Variants in PDE1C observed in about 807,000 individuals in gnomAD.
PDE1C encodes dual specificity calcium/calmodulin-dependent 3',5'-cyclic nucleotide phosphodiesterase 1C.
In PDE1C, 62 loss-of-function variants were observed where a neutral mutation model predicts 93.1. That is an observed-to-expected ratio of 0.67 (90% CI 0.54 to 0.82). The LOEUF (loss-of-function observed/expected upper bound fraction) is 0.82, where lower values mean the gene tolerates loss of function less well. Among genes scored for constraint, PDE1C ranks in the 40% least tolerant of loss-of-function variants. The pLI is 0.00. For missense variants in PDE1C, 742 were observed against 884.6 expected (o/e 0.84, Z 2.04); for synonymous variants, 325 against 310.1 (o/e 1.05, Z -0.50).
upstream of PDE1C, among the ~76,000 whole-genome samples, chr7:32,303,573 A>T (rs1436289706): frequency 6.6e-6 from 1 of 152,180 alleles, no homozygotes; most frequent in Non-Finnish European, 1.5e-5. Flanking sequence ...GCTTCCCTAT[A>T]GTCCATTTTT....
intron 3 of PDE1C, among the ~76,000 whole-genome samples, chr7:32,128,904 CAAATATATATATATATATATAT>C (rs1207676322): frequency 4.9e-5 from 2 of 40,814 alleles, no homozygotes; most frequent in African/African-American, 1.8e-4. Flanking sequence ...TAAAGTATAA[CAAATATATATATATATATATAT>C]ATATATATAT....
At chr7:32,100,619 A>C (rs941108843) in intron 3 of PDE1C, among the ~76,000 whole-genome samples, 1 of 152,158 alleles carries the variant, frequency 6.6e-6, no homozygotes, top group Non-Finnish European at 1.5e-5. Context: ...TTCATAACCC[A>C]CCTACTTACC....
At chr7:31,812,093 T>A (rs11984055) in intron 15 of PDE1C, among the ~76,000 whole-genome samples, 2 of 152,244 alleles carry the variant, frequency 1.3e-5, no homozygotes, top group Middle Eastern at 3.4e-3. Context: ...CAGTTATAAA[T>A]CATTTTAATT....
chr7:31,717,717 C>T, the PDE1C span, among the ~76,000 whole-genome samples: 2 of 152,128 alleles, frequency 1.3e-5, no homozygotes, highest in Admixed American at 6.6e-5. Context: ...GCTAGATATG[C>T]CTAAGGCTTT....
chr7:32,118,369 T>C (rs1156392284), intron 3 of PDE1C, among the ~76,000 whole-genome samples: 2 of 152,144 alleles, frequency 1.3e-5, no homozygotes, highest in Admixed American at 1.3e-4. Context: ...CATGATTCAG[T>C]AGAGAGGAAA....
At chr7:31,618,507 A>G in the PDE1C span, among the ~76,000 whole-genome samples, 1 of 152,152 alleles carries the variant, frequency 6.6e-6, no homozygotes, top group East Asian at 1.9e-4. Context: ...GCCTAATCCC[A>G]AGAAAAAATG....
intron 2 of PDE1C, among the ~76,000 whole-genome samples, chr7:31,888,913 G>A (rs1016022682): frequency 6.6e-6 from 1 of 152,128 alleles, no homozygotes; most frequent in Non-Finnish European, 1.5e-5. Flanking sequence ...ACCATTCACA[G>A]AAACATCAAA....
At chr7:32,181,475 A>G (rs1803417116) in intron 2 of PDE1C, among the ~76,000 whole-genome samples, 1 of 152,248 alleles carries the variant, frequency 6.6e-6, no homozygotes. Context: ...CAATCAAACT[A>G]GAACTCAGAA....
chr7:32,147,668 C>A (rs540326175), intron 3 of PDE1C, among the ~76,000 whole-genome samples: 29 of 152,230 alleles, frequency 1.9e-4, no homozygotes, highest in Admixed American at 7.8e-4. Flanking sequence ...GCTGGACTCT[C>A]CTTCCATTTT....
intron 1 of PDE1C, among the ~76,000 whole-genome samples, chr7:32,311,649 A>T (rs1456048126): frequency 6.6e-6 from 1 of 152,170 alleles, no homozygotes; most frequent in East Asian, 1.9e-4. Context: ...ACCAAAGATA[A>T]AAACCACATG....
intron 3 of PDE1C, among the ~76,000 whole-genome samples, chr7:32,117,915 G>C (rs1006860073): frequency 2.0e-5 from 3 of 152,222 alleles, no homozygotes; most frequent in Non-Finnish European, 4.4e-5. Context: ...CCACTCTCAA[G>C]AGGGAGCCAG....
chr7:31,906,099 A>T (rs947743394), intron 2 of PDE1C, among the ~76,000 whole-genome samples: 9 of 152,192 alleles, frequency 5.9e-5, no homozygotes, highest in African/African-American at 2.2e-4. Flanking sequence ...TGTCTTTATT[A>T]GCAGCATGAG....
the PDE1C span, among the ~76,000 whole-genome samples, chr7:31,638,867 C>G: frequency 5.4e-3 from 824 of 152,254 alleles, 6 homozygotes; most frequent in Non-Finnish European, 9.5e-3. Context: ...ACCTCCACCT[C>G]CCAGGTTCGA....
At chr7:32,021,266 T>C (rs1788632429) in intron 2 of PDE1C, among the ~76,000 whole-genome samples, 1 of 152,124 alleles carries the variant, frequency 6.6e-6, no homozygotes, top group African/African-American at 2.4e-5. Flanking sequence ...TTTTGTTGTG[T>C]GGAAATGAAC....
chr7:32,115,376 C>T (rs1284659617), intron 3 of PDE1C, among the ~76,000 whole-genome samples: 4 of 152,088 alleles, frequency 2.6e-5, no homozygotes, highest in African/African-American at 7.2e-5. Flanking sequence ...GAACAGAAAA[C>T]CAAACACCGC....
At chr7:32,181,727 A>G in intron 2 of PDE1C, among the ~76,000 whole-genome samples, 1 of 152,144 alleles carries the variant, frequency 6.6e-6, no homozygotes, top group Non-Finnish European at 1.5e-5. Flanking sequence ...CCCTAACATC[A>G]CAATTAAAAG....
chr7:32,389,870 C>T (rs1213268641), intron 1 of PDE1C, among the ~76,000 whole-genome samples: 2 of 152,148 alleles, frequency 1.3e-5, no homozygotes, highest in Non-Finnish European at 2.9e-5. Context: ...TGTCTAAATT[C>T]CAGGTCTCCC....
rs183887809 is a variant in PDE1C at position 31,880,817 on chromosome 7, C to G, written c.172G>C (p.Val58Leu). The G allele has an allele frequency of 5.1e-5, 82 of 1,612,108 alleles. No homozygotes were observed. The highest frequency in any genetic ancestry group is 2.2e-4 in the Admixed American group (13 of 60,020). The change falls in exon 3 of 18, where the codon GTG becomes CTG. Residue 58 changes from valine (V) to leucine (L), a missense_variant. By Grantham distance (32) the Val-to-Leu change is conservative (BLOSUM62 1). Around this residue, in one of 4 missense-constraint regions of PDE1C, gnomAD observed 74 missense variants for 88.2 expected, o/e 0.84. Transcript: ENST00000396191. ...TCCAAATTCTTCTTAAGATCTACCA[C>G]TGAAGCTTCCCCTCTCTCTAATTGT... The part of the protein sequence containing the change: ...VKQLERGEAS[V>L]VDLKKNLEYA...
intron 1 of PDE1C, among the ~76,000 whole-genome samples, chr7:32,342,747 AATGGGACT>A (rs1783782319): frequency 6.6e-6 from 1 of 152,142 alleles, no homozygotes; most frequent in African/African-American, 2.4e-5. Context: ...CATTCTGTAA[AATGGGACT>A]ATAATAACAC....
Sources: gnomAD v4.1 joint callset for allele counts (sites outside exome capture counted in the v4.1 genomes callset) on GRCh38, gnomAD v4.1.1 for gene constraint, gnomAD v4.1.1 regional missense constraint, MANE v1.5 for transcripts, NCBI Gene and HGNC (gene_info 2026-07-23, HGNC 2026-07-21) for gene names.